The following MTUS2 variants were observed in gnomAD, a reference collection of about 807,000 sequenced individuals.
The protein encoded by MTUS2 is microtubule-associated tumor suppressor candidate 2.
Under a neutral mutation model 114.1 loss-of-function variants are expected in MTUS2, and 40 were observed. That is an observed-to-expected ratio of 0.35 (90% CI 0.27 to 0.46). The LOEUF is 0.46. Ranked by LOEUF, MTUS2 falls within the 20% of genes least tolerant of loss-of-function variation. The pLI, the probability that MTUS2 is intolerant of heterozygous loss-of-function variation, is 1.00. For missense variants in MTUS2, 1,679 were observed against 1,705.4 expected, an observed-to-expected ratio of 0.98 and a Z score of 0.27; for synonymous variants, 688 against 672.0, an observed-to-expected ratio of 1.02 and a Z score of -0.37.
chr13:28,883,389 G>A (rs1439338296), intron 2 of MTUS2, among the ~76,000 whole-genome samples: 3 of 152,014 alleles, frequency 2.0e-5, no homozygotes, highest in African/African-American at 7.2e-5. Flanking sequence ...GAAAAATAAT[G>A]GAAACCACCA....
chr13:29,065,921 C>CA (rs1565989256), intron 4 of MTUS2, among the ~76,000 whole-genome samples: 2 of 152,086 alleles, frequency 1.3e-5, no homozygotes, highest in Non-Finnish European at 2.9e-5. Context: ...AACCCCCCCC[C>CA]ACCTGACATG....
At chr13:29,159,330 G>A (rs1013496644) in intron 5 of MTUS2, among the ~76,000 whole-genome samples, 3 of 152,212 alleles carry the variant, frequency 2.0e-5, no homozygotes, top group African/African-American at 4.8e-5. Context: ...GTGTCTAGGT[G>A]TGTGTATACT....
intron 2 of MTUS2, among the ~76,000 whole-genome samples, chr13:28,990,184 AT>A (rs1374565348): frequency 1.3e-5 from 2 of 152,016 alleles, no homozygotes; most frequent in Non-Finnish European, 2.9e-5. Flanking sequence ...GGCCAGGGAG[AT>A]GTTGGAGGCC....
At chr13:29,226,891 G>C (rs1355425328) in intron 5 of MTUS2, among the ~76,000 whole-genome samples, 3 of 152,142 alleles carry the variant, frequency 2.0e-5, no homozygotes, top group African/African-American at 7.2e-5. Flanking sequence ...TTCAAGAAGA[G>C]TGATTACAGG....
At chr13:29,454,333 C>T (rs1415914505) in intron 9 of MTUS2, among the ~76,000 whole-genome samples, 1 of 152,136 alleles carries the variant, frequency 6.6e-6, no homozygotes, top group Non-Finnish European at 1.5e-5. Flanking sequence ...CTGGAGAGAC[C>T]AGGCTGGCAG....
intron 2 of MTUS2, among the ~76,000 whole-genome samples, chr13:28,949,432 C>A (rs74539957): frequency 6.6e-6 from 1 of 152,156 alleles, no homozygotes; most frequent in African/African-American, 2.4e-5. Context: ...TTACAATATC[C>A]AATTCTCATA....
intron 6 of MTUS2, among the ~76,000 whole-genome samples, chr13:29,322,500 A>C (rs1307560713): frequency 6.6e-6 from 1 of 152,188 alleles, no homozygotes; most frequent in East Asian, 1.9e-4. Flanking sequence ...GGAGGGGTAC[A>C]CGCTTAGACC....
intron 5 of MTUS2, among the ~76,000 whole-genome samples, chr13:29,218,920 C>T (rs1040589881): frequency 8.6e-5 from 13 of 150,676 alleles, no homozygotes; most frequent in East Asian, 7.8e-4. Flanking sequence ...TGAACATTGG[C>T]GTTAACTTAA....
At chr13:29,022,616 G>A (rs1433745878) in intron 2 of MTUS2, among the ~76,000 whole-genome samples, 3 of 152,238 alleles carry the variant, frequency 2.0e-5, no homozygotes, top group African/African-American at 7.2e-5. Context: ...TGGTGTGCAC[G>A]TGTGCTTGCA....
chr13:28,941,573 T>G (rs570523308), intron 2 of MTUS2, among the ~76,000 whole-genome samples: 149 of 151,848 alleles, frequency 9.8e-4, no homozygotes, highest in African/African-American at 3.5e-3. Flanking sequence ...ATGTTTAGCT[T>G]AACAGAAGAT....
intron 5 of MTUS2, among the ~76,000 whole-genome samples, chr13:29,248,689 C>T (rs1897014226): frequency 6.6e-6 from 1 of 152,180 alleles, no homozygotes; most frequent in African/African-American, 2.4e-5. Flanking sequence ...CATGTGTTCT[C>T]ATCGTTCATC....
chr13:29,346,611 G>GCAAGCGGGAGTTTCAT (rs59551680), intron 7 of MTUS2, among the ~76,000 whole-genome samples: 1 of 68,206 alleles, frequency 1.5e-5, no homozygotes, highest in African/African-American at 4.0e-5. Flanking sequence ...TGCTGAGAAA[G>GCAAGCGGGAGTTTCAT]GTTTCACGTC....
At chr13:29,157,809 C>CAGATAT (rs1375690845) in intron 5 of MTUS2, among the ~76,000 whole-genome samples, 1 of 148,642 alleles carries the variant, frequency 6.7e-6, no homozygotes, top group Non-Finnish European at 1.5e-5. Context: ...GATATAGATA[C>CAGATAT]AGATATAGAT....
At chr13:29,119,630 G>A (rs1891227103) in intron 5 of MTUS2, among the ~76,000 whole-genome samples, 1 of 152,164 alleles carries the variant, frequency 6.6e-6, no homozygotes, top group Non-Finnish European at 1.5e-5. Context: ...GAAGACCTGA[G>A]CACCAGGAGT....
At chr13:29,417,032 A>T (rs1040176124) in intron 8 of MTUS2, among the ~76,000 whole-genome samples, 5 of 152,168 alleles carry the variant, frequency 3.3e-5, no homozygotes, top group African/African-American at 7.2e-5. Context: ...GGAATACCTG[A>T]GGCTGGATAA....
At chr13:29,295,348 A>G (rs1191066144) in intron 6 of MTUS2, among the ~76,000 whole-genome samples, 2 of 152,170 alleles carry the variant, frequency 1.3e-5, no homozygotes, top group African/African-American at 2.4e-5. Flanking sequence ...TTATAGTGCC[A>G]TAGAACACTA....
At chr13:29,352,000 GTTCC>G (rs1416065573) in intron 7 of MTUS2, among the ~76,000 whole-genome samples, 1 of 152,058 alleles carries the variant, frequency 6.6e-6, no homozygotes, top group East Asian at 1.9e-4. Flanking sequence ...TCTAAAACTT[GTTCC>G]TTCCTTCGCT....
intron 7 of MTUS2, among the ~76,000 whole-genome samples, chr13:29,333,093 G>T (rs750859475): frequency 1.3e-4 from 20 of 152,154 alleles, no homozygotes; most frequent in Non-Finnish European, 2.1e-4. Context: ...TGGTTTCAAA[G>T]AACTTATTTA....
chr13:28,825,638 A>G (rs2137929629), intron 1 of MTUS2, among the ~76,000 whole-genome samples: 1 of 152,186 alleles, frequency 6.6e-6, no homozygotes, highest in East Asian at 1.9e-4. Flanking sequence ...AGGTGAAGAA[A>G]CCATTGGGGA....
Sources: gnomAD v4.1 joint callset for allele counts (sites outside exome capture counted in the v4.1 genomes callset) on GRCh38, gnomAD v4.1.1 for gene constraint, MANE v1.5 for transcripts, NCBI Gene and HGNC (gene_info 2026-07-23, HGNC 2026-07-21) for gene names.